RFXANK: variants seen among roughly 807,000 people sequenced by gnomAD.
RFXANK encodes regulatory factor X associated ankyrin containing protein.
RFXANK carries 19 observed loss-of-function variants against 34.5 expected under a neutral mutation model. The ratio of observed to expected loss-of-function variants is 0.55; its 90% CI spans 0.38 to 0.81. RFXANK has a LOEUF of 0.81. RFXANK is among the 30% of genes least tolerant of loss of function. The pLI is 0.00. For synonymous variants in RFXANK, 154 were observed against 149.8 expected (o/e 1.03, Z -0.20); for missense variants, 295 against 343.5 (o/e 0.86, Z 1.12).
chr19:19,197,294 GGT>G, intron 5 of RFXANK, 43 bp downstream of exon 5: 2 of 1,602,016 alleles, frequency 1.2e-6, no homozygotes, highest in African/African-American at 2.7e-5. Flanking sequence ...GCACCTGGCT[GGT>G]GTGTGCATAT....
chr19:19,197,491 C>G, intron 5 of RFXANK, 30 bp from the exon 6 acceptor site: 1 of 1,607,452 alleles, frequency 6.2e-7, no homozygotes. Flanking sequence ...GGGGTGCAGC[C>G]TGGTGGTATT....
At chr19:19,201,562 C>T (rs1052166811) in intron 9 of RFXANK, 87 bp from the exon 10 acceptor site, 1 of 1,608,820 alleles carries the variant, frequency 6.2e-7, no homozygotes, top group Non-Finnish European at 8.5e-7. Flanking sequence ...CCTGTTTGTC[C>T]CCTAAGGGGA....
At chr19:19,199,984 G>T (rs2060675180) in intron 9 of RFXANK, among the ~76,000 whole-genome samples, 1 of 151,968 alleles carries the variant, frequency 6.6e-6, no homozygotes, top group African/African-American at 2.4e-5. Context: ...CCCTCCTCAT[G>T]TTTTCGGGGG....
intron 8 of RFXANK, 171 bp downstream of exon 8, chr19:19,198,894 C>A: frequency 5.1e-6 from 4 of 784,718 alleles, no homozygotes; most frequent in Non-Finnish European, 8.7e-6. Context: ...TAGGACCACA[C>A]GGGAGTCGGG....
At chr19:19,199,090 G>C in intron 8 of RFXANK, 64 bp from the exon 9 acceptor site, 1 of 1,469,342 alleles carries the variant, frequency 6.8e-7, no homozygotes, top group Non-Finnish European at 9.5e-7. Flanking sequence ...GATCTCCCAG[G>C]TCCCCAGACC....
At chr19:19,201,417 G>T (rs1217503855) in intron 9 of RFXANK, 3 of 1,440,640 alleles carry the variant, frequency 2.1e-6, no homozygotes, top group African/African-American at 2.8e-5. Flanking sequence ...CATTTTGCTT[G>T]GTAGGAAATA....
In RFXANK at chr19:19,197,621, G is replaced by A. The variant is rs775296271; in HGVS notation, c.438G>A (p.Trp146Ter). Residue 146 changes from tryptophan (W) to a stop codon, truncating the protein, a stop_gained and splice_region_variant, in exon 6 of 10, where the codon TGG (tryptophan) becomes TGA (stop). Transcript: ENST00000303088. LOFTEE classifies it high-confidence loss of function. ...AGACCGTTCGCTTCCTGCTGGAGTG[G>A]GTGCGTCCCAGCCCAGCTGGGCAGC... is the stretch of plus-strand genomic sequence containing the variant. ...EIETVRFLLE[W>*]GADPHILAKE... 6.2e-7 allele frequency: 1 copy of A among 1,613,490 alleles called. No individual in the cohort carries two copies. Among genetic ancestry groups the A allele is most frequent in the Non-Finnish European group, 8.5e-7 (1 of 1,179,878 alleles).
chr19:19,200,647 A>G (rs912222471), intron 9 of RFXANK, among the ~76,000 whole-genome samples: 1 of 149,038 alleles, frequency 6.7e-6, no homozygotes, highest in African/African-American at 2.5e-5. Flanking sequence ...TTTTTGAGAC[A>G]GAGTCTCGCT....
chr19:19,198,561 G>A, intron 7 of RFXANK, 96 bp from the exon 8 acceptor site: 2 of 1,417,900 alleles, frequency 1.4e-6, no homozygotes, highest in East Asian at 2.3e-5. Flanking sequence ...TGATGAGCAG[G>A]AGGAACCACG....
chr19:19,198,314 T>A lies in RFXANK; in HGVS notation c.564+82T>A. ...AAATGTTCACAGAGTACTTGAAAGG[T>A]GCAGGCCTGCTCTAGGTGCCGAGAA... is the stretch of plus-strand genomic sequence containing the variant. On this transcript the variant is annotated intron_variant, in intron 7 of 9. Transcript: ENST00000303088. 2.5e-6 allele frequency: 4 copies of A among 1,582,010 alleles called. No individual in the cohort carries two copies. The Admixed American group carries it at 7.3e-5, about 29-fold the overall frequency.
chr19:19,194,148 C>G lies in RFXANK; in HGVS notation c.187+15C>G, dbSNP rs930998324. On this transcript the variant is annotated intron_variant, in intron 3 of 9. Transcript: ENST00000303088. ...CTCTCCACAGGGTAGGATACCTCCT[C>G]TGGGATTAGCCCTCTGGGATTCCAT... The G allele has an allele frequency of 4.3e-6, 7 of 1,612,908 alleles. No individual in the cohort carries two copies. Among genetic ancestry groups the G allele is most frequent in the Non-Finnish European group, 5.1e-6 (6 of 1,178,950 alleles).
chr19:19,197,407 G>A (rs1257165639), intron 5 of RFXANK, 114 bp from the exon 6 acceptor site: 52 of 1,216,932 alleles, frequency 4.3e-5, no homozygotes, highest in Non-Finnish European at 5.7e-5. Context: ...ATCAACATAC[G>A]CTCCCCCTCA....
At chr19:19,200,269 C>T (rs2060684355) in intron 9 of RFXANK, among the ~76,000 whole-genome samples, 1 of 151,518 alleles carries the variant, frequency 6.6e-6, no homozygotes, top group Non-Finnish European at 1.5e-5. Flanking sequence ...CTTCCACCTC[C>T]CAGGTTCAAG....
At chr19:19,200,788 A>ATT (rs71170606) in intron 9 of RFXANK, 2,074 of 84,542 alleles carry the variant, frequency 0.025, 259 homozygotes, top group African/African-American at 0.094. Context: ...CACCTGGCTA[A>ATT]TTTTTTTTTT....
At chr19:19,193,828 G>A in intron 2 of RFXANK, 111 bp from the exon 3 acceptor site, 1 of 1,202,372 alleles carries the variant, frequency 8.3e-7, no homozygotes, top group Non-Finnish European at 1.2e-6. Context: ...AATTAACCTG[G>A]ACCTCAGTTT....
chr19:19,197,719 C>T (rs975982548), intron 6 of RFXANK, 98 bp downstream of exon 6: 127 of 1,107,734 alleles, frequency 1.1e-4, no homozygotes, highest in Admixed American at 3.6e-4. Flanking sequence ...CTTTGAGATG[C>T]GGCTGCTGGC....
chr19:19,200,161 ATTT>A (rs974807709), intron 9 of RFXANK, among the ~76,000 whole-genome samples: 44 of 141,786 alleles, frequency 3.1e-4, no homozygotes, highest in African/African-American at 1.2e-3. Flanking sequence ...TGCCTGGCTA[ATTT>A]TTTGTTGTTG....
rs746157797 is a variant in RFXANK at position 19,197,191 on chromosome 19, T to C, written c.277T>C (p.Ser93Pro). 3 of 1,613,850 alleles carry C rather than the reference T, an allele frequency of 1.9e-6. No homozygotes were observed. The highest frequency in any genetic ancestry group is 4.5e-5 in the East Asian group (2 of 44,870). The stretch of plus-strand genomic sequence containing the variant: ...CTGCCTCTGTCCTGCCCCAGCCCTG[T>C]CCATCCACCAGCTCGCAGCACAGGG... ...SALPATLDSLSIHQLAAQGEL... is the reference protein window; with the variant it reads ...SALPATLDSLPIHQLAAQGEL... Residue 93 changes from serine to proline, a missense_variant, in exon 5 of 10, where the codon TCC becomes CCC. Coordinates refer to ENST00000303088, the MANE Select transcript of RFXANK (RefSeq NM_003721.4).
intron 9 of RFXANK, among the ~76,000 whole-genome samples, chr19:19,199,981 CAT>C (rs1166422636): frequency 2.6e-5 from 4 of 152,044 alleles, no homozygotes. Context: ...CTTCCCTCCT[CAT>C]GTTTTCGGGG....
Sources: gnomAD v4.1 joint callset for allele counts (sites outside exome capture counted in the v4.1 genomes callset) on GRCh38, gnomAD v4.1.1 for gene constraint, MANE v1.5 for transcripts, NCBI Gene and HGNC (gene_info 2026-07-23, HGNC 2026-07-21) for gene names.